Variants in PDE4D observed in about 807,000 individuals in gnomAD.
The protein encoded by PDE4D is phosphodiesterase 4D.
A neutral mutation model predicts 87.4 loss-of-function variants in PDE4D; 24 were observed. The ratio of observed to expected loss-of-function variants is 0.27; its 90% confidence interval spans 0.20 to 0.39. The LOEUF (loss-of-function observed/expected upper bound fraction) is 0.39. Ranked by LOEUF, PDE4D falls within the 10% of genes least tolerant of loss-of-function variation. PDE4D has a pLI of 1.00. For synonymous variants in PDE4D, 384 were observed against 383.2 expected, an observed-to-expected ratio of 1.00 and a Z score of -0.02; for missense variants, 714 against 1,041.0, an observed-to-expected ratio of 0.69 and a Z score of 4.32.
At chr5:59,644,039 C>A (rs1443658279) in intron 1 of PDE4D, among the ~76,000 whole-genome samples, 1 of 152,134 alleles carries the variant, frequency 6.6e-6, no homozygotes, top group African/African-American at 2.4e-5. Context: ...TTAGAACAAG[C>A]CTTGGTTTAG....
chr5:59,349,827 C>T (rs578197432), intron 1 of PDE4D, among the ~76,000 whole-genome samples: 1 of 152,008 alleles, frequency 6.6e-6, no homozygotes, highest in East Asian at 1.9e-4. Context: ...AGCCTGCAGG[C>T]CACCTTATAA....
intron 1 of PDE4D, among the ~76,000 whole-genome samples, chr5:59,638,814 T>A (rs981346196): frequency 6.6e-6 from 1 of 152,110 alleles, no homozygotes; most frequent in African/African-American, 2.4e-5. Context: ...CTTGAAAAAA[T>A]GAGGCAGGTA....
chr5:59,763,963 C>T (rs1193686370), intron 1 of PDE4D, among the ~76,000 whole-genome samples: 1 of 152,046 alleles, frequency 6.6e-6, no homozygotes, highest in Middle Eastern at 3.2e-3. Context: ...AAGGAAGGAA[C>T]GGATTACTTC....
intron 1 of PDE4D, among the ~76,000 whole-genome samples, chr5:59,648,943 C>T (rs1184423525): frequency 2.0e-5 from 3 of 152,154 alleles, no homozygotes; most frequent in African/African-American, 4.8e-5. Context: ...GATGTTCTCT[C>T]CCGAAAAGGC....
intron 1 of PDE4D, among the ~76,000 whole-genome samples, chr5:59,806,015 C>T (rs1200660508): frequency 6.6e-6 from 1 of 152,178 alleles, no homozygotes; most frequent in Non-Finnish European, 1.5e-5. Context: ...CCCTACTACC[C>T]CTCTTATCCT....
At chr5:59,674,157 A>G (rs1580331108) in intron 1 of PDE4D, among the ~76,000 whole-genome samples, 1 of 152,226 alleles carries the variant, frequency 6.6e-6, no homozygotes. Flanking sequence ...CTTAATATGG[A>G]AAATTATTCC....
intron 1 of PDE4D, among the ~76,000 whole-genome samples, chr5:59,807,760 G>A (rs1767903972): frequency 6.6e-6 from 1 of 152,230 alleles, no homozygotes; most frequent in African/African-American, 2.4e-5. Context: ...AAGTTGTCAA[G>A]GAAGTAGGCC....
chr5:60,279,755 G>A (rs1035976846), intron 1 of PDE4D, among the ~76,000 whole-genome samples: 28 of 151,368 alleles, frequency 1.8e-4, no homozygotes, highest in African/African-American at 6.6e-4. Context: ...CATGATCTGG[G>A]CTCACTGCAT....
intron 1 of PDE4D, among the ~76,000 whole-genome samples, chr5:60,445,031 T>C (rs149614067): frequency 1.3e-4 from 19 of 151,996 alleles, no homozygotes; most frequent in African/African-American, 4.1e-4. Context: ...TTGATAAAAA[T>C]AGCTGGAAGT....
chr5:60,039,904 G>A (rs190017820), intron 2 of PDE4D, among the ~76,000 whole-genome samples: 10 of 152,202 alleles, frequency 6.6e-5, no homozygotes, highest in African/African-American at 2.2e-4. Context: ...GGCTGCCCAG[G>A]CTTCCCCACT....
At chr5:59,162,062 GC>G (rs1255906965) in intron 5 of PDE4D, among the ~76,000 whole-genome samples, 2 of 152,182 alleles carry the variant, frequency 1.3e-5, no homozygotes, top group Non-Finnish European at 2.9e-5. Context: ...AGGTGTGAAT[GC>G]CCCAAATAAC....
intron 1 of PDE4D, among the ~76,000 whole-genome samples, chr5:59,296,690 C>G (rs1455625954): frequency 6.6e-6 from 1 of 152,058 alleles, no homozygotes; most frequent in East Asian, 1.9e-4. Context: ...ATCCAAGTCT[C>G]TTGGACCATG....
chr5:60,030,045 T>C (rs766310053), intron 2 of PDE4D, among the ~76,000 whole-genome samples: 1 of 152,218 alleles, frequency 6.6e-6, no homozygotes, highest in Non-Finnish European at 1.5e-5. Flanking sequence ...TCATCAACCA[T>C]TGATGCCTAA....
intron 1 of PDE4D, among the ~76,000 whole-genome samples, chr5:59,682,386 G>C (rs298069): frequency 0.86 from 131,093 of 152,192 alleles, 56,930 homozygotes; most frequent in East Asian, 1. Flanking sequence ...GATATAAGGA[G>C]TTAGCATCCC....
intron 1 of PDE4D, among the ~76,000 whole-genome samples, chr5:59,682,179 CCA>C: frequency 6.6e-6 from 1 of 152,194 alleles, no homozygotes; most frequent in East Asian, 1.9e-4. Context: ...CCAACGGATT[CCA>C]AAGCTATTGG....
intron 1 of PDE4D, among the ~76,000 whole-genome samples, chr5:59,371,081 T>A (rs1783853158): frequency 6.6e-6 from 1 of 152,182 alleles, no homozygotes; most frequent in African/African-American, 2.4e-5. Context: ...CATATTGGTG[T>A]ATTTTATATG....
At chr5:60,303,990 T>A (rs951875907) in intron 1 of PDE4D, 3 of 152,194 alleles carry the variant, frequency 2.0e-5, no homozygotes, top group Non-Finnish European at 4.4e-5. Flanking sequence ...TTGGGGTGCA[T>A]ATATATTTAG....
intron 6 of PDE4D, among the ~76,000 whole-genome samples, chr5:59,005,122 A>T (rs1341335334): frequency 6.6e-6 from 1 of 152,234 alleles, no homozygotes; most frequent in Non-Finnish European, 1.5e-5. Flanking sequence ...CATCAAAAAC[A>T]TTTAAAACAG....
intron 1 of PDE4D, among the ~76,000 whole-genome samples, chr5:59,643,062 G>C (rs932646931): frequency 1.3e-5 from 2 of 152,058 alleles, no homozygotes; most frequent in Admixed American, 1.3e-4. Flanking sequence ...TGAAAGAATG[G>C]AAAAACTGGA....
Sources: gnomAD v4.1 joint callset for allele counts (sites outside exome capture counted in the v4.1 genomes callset) on GRCh38, gnomAD v4.1.1 for gene constraint, MANE v1.5 for transcripts, NCBI Gene and HGNC (gene_info 2026-07-23, HGNC 2026-07-21) for gene names.